LRBA: variants seen among roughly 807,000 people sequenced by gnomAD.
LRBA encodes the protein lipopolysaccharide-responsive and beige-like anchor protein.
LRBA carries 176 observed loss-of-function variants against 330.0 expected under a neutral mutation model. That is an observed-to-expected ratio of 0.53 (90% confidence interval 0.47 to 0.60). The LOEUF (loss-of-function observed/expected upper bound fraction) is 0.60, where lower values mean the gene tolerates loss of function less well. LRBA is among the 20% of genes least tolerant of loss of function. The probability of loss-of-function intolerance (pLI) is 0.00; values close to 1 mark genes in which losing one functional copy is unlikely to be tolerated. For missense variants in LRBA, 3,259 were observed against 3,444.8 expected, an observed-to-expected ratio of 0.95 and a Z score of 1.35; for synonymous variants, 1,230 against 1,193.0, an observed-to-expected ratio of 1.03 and a Z score of -0.64.
At chr4:150,863,664 G>A (rs1344529649) in intron 22 of LRBA, among the ~76,000 whole-genome samples, 4 of 151,990 alleles carry the variant, frequency 2.6e-5, no homozygotes, top group Non-Finnish European at 5.9e-5. Context: ...TTTTTCCTGA[G>A]CTTACACAGC....
At chr4:150,737,545 G>A (rs748794806) in intron 35 of LRBA, among the ~76,000 whole-genome samples, 3 of 115,256 alleles carry the variant, frequency 2.6e-5, no homozygotes, top group South Asian at 2.8e-4. Flanking sequence ...AAAGAAAGAC[G>A]AAAGAAAGAG....
At chr4:150,584,028 G>T (rs768204456) in intron 40 of LRBA, 16 of 1,613,026 alleles carry the variant, frequency 9.9e-6, no homozygotes, top group Non-Finnish European at 1.4e-5. Context: ...AGCCCCATTC[G>T]GCCCTGGAGA....
intron 47 of LRBA, among the ~76,000 whole-genome samples, chr4:150,391,878 T>C (rs1743996584): frequency 6.6e-6 from 1 of 151,318 alleles, no homozygotes; most frequent in African/African-American, 2.4e-5. Context: ...CTAACTGGTT[T>C]CCTTTCCTTC....
intron 53 of LRBA, among the ~76,000 whole-genome samples, chr4:150,301,516 T>C (rs904156586): frequency 3.3e-5 from 5 of 152,126 alleles, no homozygotes; most frequent in African/African-American, 1.2e-4. Context: ...AAGTCTATAA[T>C]GTACATAATA....
At chr4:150,792,958 T>A (rs1327224081) in intron 34 of LRBA, among the ~76,000 whole-genome samples, 1 of 151,950 alleles carries the variant, frequency 6.6e-6, no homozygotes, top group African/African-American at 2.4e-5. Context: ...CAGGCATCTG[T>A]AATCCCAGCT....
At chr4:150,452,363 T>C (rs951364449) in intron 44 of LRBA, among the ~76,000 whole-genome samples, 1 of 152,106 alleles carries the variant, frequency 6.6e-6, no homozygotes, top group African/African-American at 2.4e-5. Context: ...ACAAACTTCT[T>C]ATAGAAGGGA....
At chr4:150,356,824 C>A (rs994552411) in intron 47 of LRBA, among the ~76,000 whole-genome samples, 2 of 151,848 alleles carry the variant, frequency 1.3e-5, no homozygotes, top group African/African-American at 4.8e-5. Context: ...CAGAGTTCAG[C>A]TATTTACCTT....
intron 44 of LRBA, among the ~76,000 whole-genome samples, chr4:150,444,530 A>T (rs1206890591): frequency 6.6e-6 from 1 of 152,136 alleles, no homozygotes; most frequent in Non-Finnish European, 1.5e-5. Flanking sequence ...CTTTTAGGGT[A>T]TTTCGTTATA....
chr4:150,278,772 C>T (rs1286064043), intron 55 of LRBA, among the ~76,000 whole-genome samples: 1 of 152,100 alleles, frequency 6.6e-6, no homozygotes, highest in African/African-American at 2.4e-5. Context: ...TTGAATTTTT[C>T]ATGACACATG....
intron 17 of LRBA, among the ~76,000 whole-genome samples, chr4:150,891,233 A>G (rs890717034): frequency 6.6e-6 from 1 of 152,230 alleles, no homozygotes; most frequent in Admixed American, 6.5e-5. Context: ...ACATATGTCC[A>G]TACAAATACT....
At chr4:150,880,245 G>A (rs1036584212) in intron 17 of LRBA, among the ~76,000 whole-genome samples, 1 of 152,180 alleles carries the variant, frequency 6.6e-6, no homozygotes, top group African/African-American at 2.4e-5. Context: ...ACTTGGCCAA[G>A]TGTGGTGGTT....
At chr4:150,821,288 CA>C (rs1745399828) in intron 30 of LRBA, among the ~76,000 whole-genome samples, 2 of 151,898 alleles carry the variant, frequency 1.3e-5, no homozygotes, top group Non-Finnish European at 1.5e-5. Flanking sequence ...TTCTTATTAT[CA>C]TTTTTTTCTT....
chr4:150,590,361 CAAAAAA>C (rs5862927), intron 39 of LRBA, among the ~76,000 whole-genome samples: 5 of 122,900 alleles, frequency 4.1e-5, no homozygotes, highest in Non-Finnish European at 8.4e-5. Flanking sequence ...GCTTTATTTA[CAAAAAA>C]AAAAAAAAAA....
intron 50 of LRBA, among the ~76,000 whole-genome samples, chr4:150,317,904 G>C (rs750127120): frequency 2.0e-5 from 3 of 152,042 alleles, no homozygotes; most frequent in Non-Finnish European, 4.4e-5. Flanking sequence ...ATAAAAAAAC[G>C]CGATTTCATA....
intron 53 of LRBA, among the ~76,000 whole-genome samples, chr4:150,298,615 T>C (rs897604253): frequency 1.3e-5 from 2 of 152,116 alleles, no homozygotes; most frequent in East Asian, 1.9e-4. Context: ...AAAACCTTCT[T>C]TCTAATTAAC....
chr4:150,844,079 G>T, intron 28 of LRBA, 21 bp downstream of exon 28: 3 of 1,416,466 alleles, frequency 2.1e-6, no homozygotes, highest in Non-Finnish European at 3.0e-6. Context: ...GAGAGTATGT[G>T]AAAGACATAT....
intron 42 of LRBA, among the ~76,000 whole-genome samples, chr4:150,477,035 A>G (rs1044178964): frequency 6.6e-6 from 1 of 152,178 alleles, no homozygotes; most frequent in African/African-American, 2.4e-5. Context: ...TGTTCTCACA[A>G]CTAAACCAAA....
At chr4:150,341,273 T>G (rs1735509485) in intron 48 of LRBA, among the ~76,000 whole-genome samples, 1 of 152,166 alleles carries the variant, frequency 6.6e-6, no homozygotes, top group East Asian at 1.9e-4. Flanking sequence ...ACAATTCTCA[T>G]TCCTCAGCCT....
chr4:150,912,713 G>T (rs1017935476), intron 9 of LRBA, among the ~76,000 whole-genome samples: 1 of 151,996 alleles, frequency 6.6e-6, no homozygotes, highest in South Asian at 2.1e-4. Context: ...ATTTCTGCTC[G>T]GATTTTTATC....
Sources: allele counts gnomAD v4.1 joint callset (sites outside exome capture counted in the v4.1 genomes callset), GRCh38; gene constraint gnomAD v4.1.1; transcripts MANE v1.5; gene names NCBI Gene and HGNC (gene_info 2026-07-23, HGNC 2026-07-21).